Variants in NPEPL1 observed in about 807,000 individuals in gnomAD.
NPEPL1 encodes aminopeptidase like 1.
Under a neutral mutation model 52.4 loss-of-function variants are expected in NPEPL1, and 45 were observed. The ratio of observed to expected loss-of-function variants is 0.86; its 90% confidence interval spans 0.68 to 1.10. NPEPL1 has a LOEUF of 1.10. Among genes scored for constraint, NPEPL1 ranks in the 50% least tolerant of loss-of-function variants. NPEPL1 has a pLI of 0.00. For synonymous variants in NPEPL1, 360 were observed against 314.7 expected (o/e 1.14, Z -1.52); for missense variants, 696 against 710.9 (o/e 0.98, Z 0.24).
At chr20:58,694,312 A>G (rs2123079708) in intron 2 of NPEPL1, 110 bp from the exon 3 acceptor site, 1 of 1,148,752 alleles carries the variant, frequency 8.7e-7, no homozygotes, top group Non-Finnish European at 1.2e-6. Flanking sequence ...ATCTCTGTCT[A>G]GATGTCACCT....
upstream of NPEPL1, chr20:58,691,664 G>A (rs1303691193): frequency 1.6e-4 from 118 of 758,844 alleles, no homozygotes; most frequent in Admixed American, 1.1e-4. Flanking sequence ...CCAGGGAGTT[G>A]ACAGTGCTTT....
Position 58,707,118 on chromosome 20 carries a change from C to T in NPEPL1, c.823-5C>T, listed in dbSNP as rs758962402. 40 of 1,551,126 alleles carry T rather than the reference C, an allele frequency of 2.6e-5. No individual in the cohort carries two copies. Among genetic ancestry groups the T allele is most frequent in the African/African-American group, 4.1e-5 (3 of 73,210 alleles). On this transcript the variant is annotated splice_polypyrimidine_tract_variant and splice_region_variant and intron_variant, in intron 6 of 11. Transcript: ENST00000356091. ...TTTGTCCTGGTCCCTTTGTACCACC[C>T]GCAGACTACCATGCCGGGGATGAAG...
upstream of NPEPL1, chr20:58,692,129 C>T (rs888039724): frequency 2.6e-5 from 11 of 428,634 alleles, no homozygotes; most frequent in African/African-American, 2.2e-4. This position sits in a 1 kb window ranked among gnomAD's most constrained non-coding sequence, Gnocchi z 5.7. Context: ...GCGGGAAGGC[C>T]CCCCATGCAG....
rs529533504 is a variant in NPEPL1 at position 58,713,639 on chromosome 20, C to T, written c.1125+96C>T. The T allele has an allele frequency of 5.4e-5, 77 of 1,421,918 alleles. No individual in the cohort carries two copies. The East Asian group carries it at 6.0e-4, about 11-fold the overall frequency. 88.1% of individuals were successfully genotyped at this position (1,421,918 alleles called of 1,614,324 possible). On this transcript the variant is annotated intron_variant, in intron 9 of 11. Transcript: ENST00000356091. This position sits in a 1 kb window ranked among gnomAD's most constrained non-coding sequence, Gnocchi z 4.6. ...GGGGAAGGCAGCGCGTGGGGGCTGC[C>T]GTCAGGAAGTTTTCATAACTGGGCA...
rs938054273 is a variant in NPEPL1 at position 58,692,828 on chromosome 20, G to A, written c.-73G>A. The stretch of plus-strand genomic sequence containing the variant: ...GCCGGGGCGGTGCCGAGGCCGGGCC[G>A]GAGCGGGGCGAAGGGGGCCGAGCGG... On this transcript the variant is annotated 5_prime_UTR_variant, in exon 1 of 12. Transcript: ENST00000356091. This position sits in a 1 kb window ranked among gnomAD's most constrained non-coding sequence, Gnocchi z 5.7. The A allele has an allele frequency of 1.0e-6, 1 of 978,112 alleles. No individual in the cohort carries two copies. Among genetic ancestry groups the A allele is most frequent in the Non-Finnish European group, 1.2e-6 (1 of 825,398 alleles). The allele number at this position is 978,112 out of a possible 1,614,324, so 60.6% of individuals were successfully genotyped here.
At chr20:58,696,728 A>G (rs1056414894) in intron 3 of NPEPL1, among the ~76,000 whole-genome samples, 1 of 152,218 alleles carries the variant, frequency 6.6e-6, no homozygotes, top group Non-Finnish European at 1.5e-5. Context: ...GGTGTGTGCA[A>G]GGTGGCATCT....
In NPEPL1 at chr20:58,699,264, C is replaced by G; in HGVS notation, c.665C>G (p.Thr222Arg). Residue 222 changes from threonine (T) to arginine (R), a missense_variant, in exon 5 of 12, where the codon ACG becomes AGG. Thr to Arg is a moderately conservative substitution (Grantham distance 71). Coordinates refer to ENST00000356091, the MANE Select transcript of NPEPL1 (RefSeq NM_024663.4). The stretch of plus-strand genomic sequence containing the variant: ...ATCATCCGGGATGAGGAACTGAAGA[C>G]GAGAGGATTTGGAGGTGGGTGGGGG... ...PTIIRDEELK[T>R]RGFGGIYGVG... 2.5e-6 allele frequency: 4 copies of G among 1,606,520 alleles called. No homozygotes were observed. The highest frequency in any genetic ancestry group is 2.2e-5 in the East Asian group (1 of 44,660).
chr20:58,715,068 TG>T, intron 11 of NPEPL1, 99 bp from the exon 12 acceptor site: 1 of 1,308,456 alleles, frequency 7.6e-7, no homozygotes, highest in Non-Finnish European at 1.0e-6. Flanking sequence ...AAGGGGACTG[TG>T]GGGCACGTGG....
At chr20:58,700,100 C>G (rs1030476690) in intron 5 of NPEPL1, among the ~76,000 whole-genome samples, 2 of 152,204 alleles carry the variant, frequency 1.3e-5, no homozygotes, top group African/African-American at 4.8e-5. Flanking sequence ...GGCAGCAGGT[C>G]CTTGCTGTTT....
intron 6 of NPEPL1, 31 bp downstream of exon 6, chr20:58,701,189 T>C: frequency 8.9e-7 from 1 of 1,127,472 alleles, no homozygotes; most frequent in Non-Finnish European, 1.1e-6. Flanking sequence ...CAGGGTGCCC[T>C]GGGGGAGGGG....
At chr20:58,697,122 C>T (rs887865400) in intron 3 of NPEPL1, among the ~76,000 whole-genome samples, 4 of 152,246 alleles carry the variant, frequency 2.6e-5, no homozygotes, top group South Asian at 2.1e-4. Context: ...CTCCCTTGGA[C>T]GTCTCTGAAT....
intron 7 of NPEPL1, chr20:58,711,405 G>T (rs1253629247): frequency 2.6e-5 from 4 of 152,646 alleles, no homozygotes; most frequent in African/African-American, 9.6e-5. Flanking sequence ...CTGGGGAGGA[G>T]CTCTGAGAGG....
intron 7 of NPEPL1, among the ~76,000 whole-genome samples, chr20:58,709,883 G>A (rs149959954): frequency 2.0e-5 from 3 of 152,304 alleles, no homozygotes; most frequent in Admixed American, 1.3e-4. Flanking sequence ...TGATCTGGAC[G>A]TCTGAGGAGC....
chr20:58,714,516 G>A lies in NPEPL1; in HGVS notation c.1303-44G>A, dbSNP rs772845752. Reference sequence around the variant, plus strand: ...CGATGGGGCAGGGTGGAGAGGGCCCGGCCGGAGCAACCCACAGGCACTGTG... The same window carrying A: ...CGATGGGGCAGGGTGGAGAGGGCCCAGCCGGAGCAACCCACAGGCACTGTG... On this transcript the variant is annotated intron_variant, in intron 10 of 11. Coordinates refer to ENST00000356091, the MANE Select transcript of NPEPL1 (RefSeq NM_024663.4). The A allele has an allele frequency of 6.2e-5, 89 of 1,434,532 alleles. No individual in the cohort carries two copies. The Admixed American group carries it at 1.3e-3, about 21-fold the overall frequency. The allele number at this position is 1,434,532 out of a possible 1,614,324, so 88.9% of individuals were successfully genotyped here.
At position 58,712,464 on chromosome 20, in the gene NPEPL1, C is replaced by T. The variant is rs1257165085; in HGVS notation, c.901-15C>T. Reference sequence around the variant, plus strand: ...ATGACCTACAACTGGAGCCTCTGCCCACTTCTCCCTCCAGGGTTTCAAAGA... The same window carrying T: ...ATGACCTACAACTGGAGCCTCTGCCTACTTCTCCCTCCAGGGTTTCAAAGA... On this transcript the variant is annotated splice_polypyrimidine_tract_variant and intron_variant, in intron 7 of 11. Transcript: ENST00000356091. 2.5e-6 allele frequency: 4 copies of T among 1,593,364 alleles called. No individual in the cohort carries two copies. Among genetic ancestry groups the T allele is most frequent in the Non-Finnish European group, 2.6e-6 (3 of 1,161,806 alleles).
rs1455512814 is a variant in NPEPL1, at chr20:58,701,042, C to T, written c.706C>T (p.Leu236=). 1 of 1,594,274 alleles carries T rather than the reference C, an allele frequency of 6.3e-7. No homozygotes were observed. The highest frequency in any genetic ancestry group is 8.5e-7 in the Non-Finnish European group (1 of 1,171,374). The change falls in exon 6 of 12, where the codon CTG becomes TTG. Residue 236 remains leucine, a synonymous_variant. Transcript: ENST00000356091. ...GGIYGVGKAA[L]HPPALAVLSH... ...AATCTATGGGGTTGGCAAAGCCGCC[C>T]TGCATCCCCCAGCCCTGGCCGTCCT...
upstream of NPEPL1, chr20:58,689,313 T>C (rs533918117): frequency 6.6e-6 from 1 of 152,136 alleles, no homozygotes; most frequent in East Asian, 1.9e-4. Context: ...CAGATTGGAG[T>C]GCAGTGGCGT....
chr20:58,693,385 G>C (rs554479770), intron 1 of NPEPL1: 61 of 203,222 alleles, frequency 3.0e-4, no homozygotes, highest in South Asian at 2.5e-3. Context: ...GCTTCCAGAA[G>C]TTCCCATGGC....
chr20:58,709,877 C>G (rs1365876495), intron 7 of NPEPL1, among the ~76,000 whole-genome samples: 2 of 152,154 alleles, frequency 1.3e-5, no homozygotes, highest in African/African-American at 4.8e-5. Flanking sequence ...CTGATCTGAT[C>G]TGGACGTCTG....
Sources: allele counts gnomAD v4.1 joint callset (sites outside exome capture counted in the v4.1 genomes callset), GRCh38; gene constraint gnomAD v4.1.1; non-coding constraint Gnocchi (gnomAD v3.1); transcripts MANE v1.5; gene names NCBI Gene and HGNC (gene_info 2026-07-23, HGNC 2026-07-21).